LPP: variants seen among roughly 807,000 people sequenced by gnomAD.
LPP encodes the protein LIM domain containing preferred translocation partner in lipoma, also known as lipoma-preferred partner.
LPP carries 38 observed loss-of-function variants against 60.4 expected under a neutral mutation model. The ratio of observed to expected loss-of-function variants is 0.63; its 90% CI spans 0.49 to 0.83. LPP has a LOEUF of 0.83. Ranked by LOEUF, LPP falls within the 40% of genes least tolerant of loss-of-function variation. The probability of loss-of-function intolerance (pLI) is 0.00; values close to 1 mark genes in which losing one functional copy is unlikely to be tolerated. For missense variants in LPP, 902 were observed against 783.6 expected (o/e 1.15, Z -1.80); for synonymous variants, 328 against 290.8 (o/e 1.13, Z -1.30).
intron 2 of LPP, among the ~76,000 whole-genome samples, chr3:188,315,428 T>C (rs1297528911): frequency 6.6e-6 from 1 of 152,106 alleles, no homozygotes; most frequent in Non-Finnish European, 1.5e-5. Context: ...TTTTTCTAGG[T>C]TTATTTTGTT....
At chr3:188,294,478 A>G (rs28759366) in intron 2 of LPP, among the ~76,000 whole-genome samples, 6,805 of 152,268 alleles carry the variant, frequency 0.045, 501 homozygotes, top group African/African-American at 0.16. Context: ...TAAGTCATGC[A>G]TGCTTAACAA....
chr3:188,446,120 C>T (rs1244172891), intron 4 of LPP, among the ~76,000 whole-genome samples: 1 of 152,188 alleles, frequency 6.6e-6, no homozygotes, highest in Non-Finnish European at 1.5e-5. Context: ...TCAGGAGAGT[C>T]TTGTCCACAA....
intron 5 of LPP, among the ~76,000 whole-genome samples, chr3:188,491,174 C>T (rs1808267639): frequency 6.6e-6 from 1 of 152,196 alleles, no homozygotes; most frequent in Non-Finnish European, 1.5e-5. Flanking sequence ...TGGCCACATT[C>T]ATTCATGAAC....
At chr3:188,821,022 A>G (rs1440966056) in intron 9 of LPP, among the ~76,000 whole-genome samples, 2 of 151,544 alleles carry the variant, frequency 1.3e-5, no homozygotes, top group Admixed American at 6.6e-5. Context: ...TTTTTGATTC[A>G]TATTCTCCCT....
chr3:188,848,003 G>A (rs1001208836), intron 9 of LPP, among the ~76,000 whole-genome samples: 3 of 152,130 alleles, frequency 2.0e-5, no homozygotes, highest in African/African-American at 4.8e-5. Flanking sequence ...GGCACTTGTG[G>A]GACCCTGACG....
chr3:188,835,232 C>A (rs1257909245), intron 9 of LPP, among the ~76,000 whole-genome samples: 1 of 148,158 alleles, frequency 6.7e-6, no homozygotes, highest in Non-Finnish European at 1.5e-5. Flanking sequence ...CCGAGGGGGG[C>A]AGATCACTTG....
At chr3:188,863,303 A>T (rs1346631199) in intron 9 of LPP, among the ~76,000 whole-genome samples, 1 of 152,238 alleles carries the variant, frequency 6.6e-6, no homozygotes, top group Non-Finnish European at 1.5e-5. Flanking sequence ...TGACAAAGCC[A>T]GAAGGATAAT....
rs149676102 is a variant in LPP, at chr3:188,805,833, G to A, written c.1410+45551G>A. On this transcript the variant is annotated intron_variant, in intron 9 of 11. Transcript: ENST00000617246. ...TAATGTATCTAGTAATTTTTTTGAC[G>A]CATGGTTTATTTAGAAATGTGTTAT... 4.5e-3 allele frequency among the ~76,000 whole-genome samples: 673 copies of A among 151,202 alleles called. 4 individuals are homozygous for A. Among genetic ancestry groups the A allele is most frequent in the South Asian group, 0.031 (147 of 4,794 alleles).
At chr3:188,841,251 G>C (rs915492681) in intron 9 of LPP, among the ~76,000 whole-genome samples, 2 of 151,826 alleles carry the variant, frequency 1.3e-5, no homozygotes, top group Non-Finnish European at 2.9e-5. Context: ...TCTGAAGGTG[G>C]GCTGGGTTTG....
intron 2 of LPP, among the ~76,000 whole-genome samples, chr3:188,320,542 C>T (rs1030177792): frequency 4.6e-5 from 7 of 152,178 alleles, no homozygotes; most frequent in East Asian, 1.9e-4. Context: ...GAGTAAGAAA[C>T]GGAACTCGCC....
intron 3 of LPP, among the ~76,000 whole-genome samples, chr3:188,372,222 C>T (rs933955334): frequency 2.2e-4 from 33 of 151,966 alleles, no homozygotes; most frequent in African/African-American, 6.5e-4. Context: ...TCTTTTTTGT[C>T]CCCCTCTATA....
At chr3:188,741,773 A>G (rs976697772) in intron 8 of LPP, among the ~76,000 whole-genome samples, 1 of 152,058 alleles carries the variant, frequency 6.6e-6, no homozygotes, top group Admixed American at 6.6e-5. Flanking sequence ...CACAAACCAT[A>G]AAGTTAAAAA....
At chr3:188,657,636 G>T (rs1853591942) in intron 7 of LPP, among the ~76,000 whole-genome samples, 1 of 151,848 alleles carries the variant, frequency 6.6e-6, no homozygotes. Flanking sequence ...AGCCTTTCTA[G>T]TCTTTTTACC....
At chr3:188,308,931 TCTC>T (rs370337454) in intron 2 of LPP, among the ~76,000 whole-genome samples, 61 of 150,778 alleles carry the variant, frequency 4.0e-4, no homozygotes, top group Middle Eastern at 3.4e-3. Flanking sequence ...CTTCTTCTTC[TCTC>T]CTCCTCCTCC....
At chr3:188,444,529 C>A (rs1794762207) in intron 4 of LPP, among the ~76,000 whole-genome samples, 1 of 152,034 alleles carries the variant, frequency 6.6e-6, no homozygotes, top group Admixed American at 6.5e-5. Flanking sequence ...ATAAAAATGA[C>A]CCTAGAAGAA....
At chr3:188,581,581 A>C (rs985038351) in intron 6 of LPP, among the ~76,000 whole-genome samples, 2 of 151,260 alleles carry the variant, frequency 1.3e-5, no homozygotes, top group African/African-American at 4.9e-5. Context: ...AAGTGGCTCA[A>C]CTCTCTCCTG....
chr3:188,534,724 A>G (rs1031378879), intron 6 of LPP, among the ~76,000 whole-genome samples: 1 of 152,204 alleles, frequency 6.6e-6, no homozygotes, highest in African/African-American at 2.4e-5. Context: ...GTCCATTTTG[A>G]CATCTACTTC....
chr3:188,276,981 G>T (rs1471920633), intron 2 of LPP, among the ~76,000 whole-genome samples: 1 of 126,708 alleles, frequency 7.9e-6, no homozygotes, highest in East Asian at 2.4e-4. Context: ...TTAGCTGACT[G>T]CAACCTCTGC....
intron 9 of LPP, among the ~76,000 whole-genome samples, chr3:188,780,444 C>G (rs1030911426): frequency 1.3e-5 from 2 of 151,988 alleles, no homozygotes; most frequent in African/African-American, 4.8e-5. Flanking sequence ...CAGTTTGTAT[C>G]CAAATTCATA....
Sources: allele counts gnomAD v4.1 joint callset (sites outside exome capture counted in the v4.1 genomes callset), GRCh38; gene constraint gnomAD v4.1.1; transcripts MANE v1.5; gene names NCBI Gene and HGNC (gene_info 2026-07-23, HGNC 2026-07-21).